ANO6: variants seen among roughly 807,000 people sequenced by gnomAD.
ANO6 encodes the protein anoctamin-6.
A neutral mutation model predicts 117.5 loss-of-function variants in ANO6; 106 were observed. That is an observed-to-expected ratio of 0.90 (90% CI 0.77 to 1.06). ANO6 has a LOEUF of 1.06. Ranked by LOEUF, ANO6 falls within the 50% of genes least tolerant of loss-of-function variation. The pLI is 0.00. For missense variants in ANO6, 955 were observed against 1,121.1 expected, an observed-to-expected ratio of 0.85 and a Z score of 2.12; for synonymous variants, 367 against 385.1, an observed-to-expected ratio of 0.95 and a Z score of 0.55.
At chr12:45,424,023 C>CTT (rs56964611) in intron 19 of ANO6, among the ~76,000 whole-genome samples, 1,981 of 142,156 alleles carry the variant, frequency 0.014, 34 homozygotes, top group African/African-American at 0.048. Context: ...TATACTAGTT[C>CTT]TTTTTTTTTT....
At chr12:45,217,790 G>A (rs762233036) in intron 1 of ANO6, among the ~76,000 whole-genome samples, 7 of 152,186 alleles carry the variant, frequency 4.6e-5, no homozygotes, top group Non-Finnish European at 8.8e-5. Flanking sequence ...AAATATAGGA[G>A]TGAAATTTAA....
chr12:45,293,348 T>G (rs1317825491), intron 1 of ANO6, among the ~76,000 whole-genome samples: 1 of 152,154 alleles, frequency 6.6e-6, no homozygotes, highest in East Asian at 1.9e-4. Context: ...AGAAAAACAA[T>G]GACCACACAG....
chr12:45,326,486 T>C (rs1043604650), intron 2 of ANO6, among the ~76,000 whole-genome samples: 1 of 152,176 alleles, frequency 6.6e-6, no homozygotes, highest in African/African-American at 2.4e-5. Context: ...GCAGGCGGCA[T>C]GTAAATTATA....
At chr12:45,260,808 C>T (rs535523005) in intron 1 of ANO6, among the ~76,000 whole-genome samples, 138 of 151,544 alleles carry the variant, frequency 9.1e-4, no homozygotes, top group Non-Finnish European at 3.1e-4. Context: ...TTTTAAGAGA[C>T]GGGGTTTCTT....
intron 1 of ANO6, among the ~76,000 whole-genome samples, chr12:45,217,347 C>T (rs1215787420): frequency 2.0e-5 from 3 of 152,146 alleles, no homozygotes; most frequent in South Asian, 4.1e-4. Flanking sequence ...TAAAGCAGAA[C>T]ATCCTGCTGA....
At chr12:45,237,646 G>A (rs1281728008) in intron 1 of ANO6, among the ~76,000 whole-genome samples, 3 of 152,220 alleles carry the variant, frequency 2.0e-5, no homozygotes, top group African/African-American at 7.2e-5. Context: ...ATAGTTTGAA[G>A]TCAGGTAGCG....
chr12:45,317,470 C>T (rs931650440), intron 2 of ANO6, among the ~76,000 whole-genome samples: 3 of 151,610 alleles, frequency 2.0e-5, no homozygotes, highest in Non-Finnish European at 4.4e-5. Context: ...TTTATGGCTG[C>T]ATAGTATTCC....
chr12:45,244,553 G>T (rs184563840), intron 1 of ANO6, among the ~76,000 whole-genome samples: 5 of 152,216 alleles, frequency 3.3e-5, no homozygotes, highest in Non-Finnish European at 7.4e-5. Context: ...TTCTTAAGGG[G>T]TCCTTGATCC....
chr12:45,237,440 A>G (rs976183555), intron 1 of ANO6, among the ~76,000 whole-genome samples: 2 of 152,202 alleles, frequency 1.3e-5, no homozygotes, highest in African/African-American at 4.8e-5. Context: ...TTTTCTACAT[A>G]TGGCTAGCCA....
intron 3 of ANO6, among the ~76,000 whole-genome samples, chr12:45,343,795 A>G (rs1941047683): frequency 6.6e-6 from 1 of 152,134 alleles, no homozygotes. Context: ...TGCTGCCAGC[A>G]CCGCTGGCAC....
At chr12:45,367,414 A>G (rs538284612) in intron 8 of ANO6, among the ~76,000 whole-genome samples, 12 of 152,162 alleles carry the variant, frequency 7.9e-5, no homozygotes, top group African/African-American at 2.7e-4. Flanking sequence ...ATTTTACTTG[A>G]CATACAATGC....
chr12:45,259,581 T>C (rs948273088), intron 1 of ANO6, among the ~76,000 whole-genome samples: 4 of 152,218 alleles, frequency 2.6e-5, no homozygotes, highest in Non-Finnish European at 5.9e-5. Flanking sequence ...GAGGGCCTGG[T>C]TGCAGTGGGT....
intron 3 of ANO6, among the ~76,000 whole-genome samples, chr12:45,331,807 A>G (rs1592977124): frequency 6.6e-6 from 1 of 152,118 alleles, no homozygotes; most frequent in African/African-American, 2.4e-5. Context: ...CAGGTATTGT[A>G]CATACATTTG....
chr12:45,252,241 T>C (rs1217316728), intron 1 of ANO6, among the ~76,000 whole-genome samples: 1 of 152,204 alleles, frequency 6.6e-6, no homozygotes. Context: ...AGTTGGAAAA[T>C]AGCAATTTAT....
intron 1 of ANO6, among the ~76,000 whole-genome samples, chr12:45,224,745 C>T (rs1168060410): frequency 1.3e-5 from 2 of 152,282 alleles, no homozygotes; most frequent in East Asian, 1.9e-4. Context: ...CAAGGGGTTG[C>T]AGCAGTCACA....
rs1440602523 is a variant in ANO6 at position 45,401,776 on chromosome 12, G to A, written c.1387-19G>A. On this transcript the variant is annotated intron_variant, in intron 12 of 19. Transcript: ENST00000320560. ...AGTTATTGGTGAGTCTCATGCTACT[G>A]TGTTTGTTGTGCTTTCAGATCCTAT... The A allele has an allele frequency of 1.3e-6, 2 of 1,596,930 alleles. No homozygotes were observed. Among genetic ancestry groups the A allele is most frequent in the Admixed American group, 1.7e-5 (1 of 59,970 alleles).
intron 1 of ANO6, among the ~76,000 whole-genome samples, chr12:45,233,021 A>C (rs1010606193): frequency 2.0e-5 from 3 of 152,186 alleles, no homozygotes; most frequent in Non-Finnish European, 4.4e-5. Flanking sequence ...GCAGGGAGCT[A>C]GAAGCCAACG....
intron 1 of ANO6, among the ~76,000 whole-genome samples, chr12:45,238,918 T>C (rs1592854444): frequency 6.6e-6 from 1 of 152,252 alleles, no homozygotes; most frequent in Non-Finnish European, 1.5e-5. Flanking sequence ...ATAAGCTTTT[T>C]GATGTGCTGC....
At chr12:45,408,317 TA>T (rs2137653794) in intron 15 of ANO6, among the ~76,000 whole-genome samples, 1 of 152,294 alleles carries the variant, frequency 6.6e-6, no homozygotes, top group African/African-American at 2.4e-5. Flanking sequence ...ACTCCACAGG[TA>T]AACCACAAGC....
Sources: gnomAD v4.1 joint callset for allele counts (sites outside exome capture counted in the v4.1 genomes callset) on GRCh38, gnomAD v4.1.1 for gene constraint, MANE v1.5 for transcripts, NCBI Gene and HGNC (gene_info 2026-07-23, HGNC 2026-07-21) for gene names.